PKIB: variants seen among roughly 807,000 people sequenced by gnomAD.
PKIB encodes cAMP-dependent protein kinase inhibitor beta.
In PKIB, 2 loss-of-function variants were observed where a neutral mutation model predicts 4.5. That is an observed-to-expected ratio of 0.44 (90% CI 0.18 to 1.39). The LOEUF (loss-of-function observed/expected upper bound fraction) is 1.39. Among genes scored for constraint, PKIB ranks in the 40% most tolerant of loss-of-function variants. The probability of loss-of-function intolerance (pLI) is 0.27; values close to 1 mark genes in which losing one functional copy is unlikely to be tolerated. For synonymous variants in PKIB, 38 were observed against 36.0 expected (o/e 1.06, Z -0.20); for missense variants, 94 against 92.6 (o/e 1.02, Z -0.06).
At chr6:122,519,070 C>A (rs532201660) in intron 2 of PKIB, among the ~76,000 whole-genome samples, 1 of 152,184 alleles carries the variant, frequency 6.6e-6, no homozygotes, top group African/African-American at 2.4e-5. Flanking sequence ...GCTAGGGGTA[C>A]CAGTCCGTGG....
chr6:122,535,397 A>G (rs1247584478), intron 2 of PKIB, among the ~76,000 whole-genome samples: 3 of 152,190 alleles, frequency 2.0e-5, no homozygotes, highest in Admixed American at 6.5e-5. Flanking sequence ...CATTCAAACA[A>G]TATTACAATA....
intron 2 of PKIB, among the ~76,000 whole-genome samples, chr6:122,640,721 T>C (rs1776089661): frequency 6.6e-6 from 1 of 152,160 alleles, no homozygotes; most frequent in African/African-American, 2.4e-5. Context: ...ATGAGACACA[T>C]AAAGCAATTA....
intron 2 of PKIB, among the ~76,000 whole-genome samples, chr6:122,532,367 T>G (rs1199587654): frequency 6.6e-6 from 1 of 152,224 alleles, no homozygotes; most frequent in African/African-American, 2.4e-5. Context: ...AACAACCTTT[T>G]TATTGTGGTA....
intron 2 of PKIB, among the ~76,000 whole-genome samples, chr6:122,634,882 C>T (rs1775853106): frequency 6.6e-6 from 1 of 150,888 alleles, no homozygotes; most frequent in South Asian, 2.1e-4. Flanking sequence ...GCGGAGCTTG[C>T]AGTGAGCCGA....
intron 2 of PKIB, among the ~76,000 whole-genome samples, chr6:122,543,433 G>A (rs1315273625): frequency 6.7e-6 from 1 of 149,684 alleles, no homozygotes; most frequent in Non-Finnish European, 1.5e-5. Flanking sequence ...AGACTGGAGT[G>A]CAATGGCATG....
At chr6:122,577,383 A>G (rs1012676148) in intron 2 of PKIB, among the ~76,000 whole-genome samples, 5 of 152,184 alleles carry the variant, frequency 3.3e-5, no homozygotes, top group Non-Finnish European at 5.9e-5. Flanking sequence ...TTTTGTTTGT[A>G]TATTTTTTCT....
At chr6:122,492,913 T>G (rs1398992591) in intron 2 of PKIB, among the ~76,000 whole-genome samples, 3 of 152,070 alleles carry the variant, frequency 2.0e-5, no homozygotes, top group Non-Finnish European at 1.5e-5. Flanking sequence ...TAAATTACAG[T>G]TTTATTACAT....
At chr6:122,708,359 G>A (rs1272538440) in intron 3 of PKIB, among the ~76,000 whole-genome samples, 1 of 151,910 alleles carries the variant, frequency 6.6e-6, no homozygotes, top group Admixed American at 6.6e-5. Context: ...TGCTTTTTTA[G>A]GCATCATGAA....
chr6:122,514,343 G>A (rs1776680582), intron 2 of PKIB, among the ~76,000 whole-genome samples: 1 of 152,180 alleles, frequency 6.6e-6, no homozygotes, highest in Non-Finnish European at 1.5e-5. Flanking sequence ...TGGGCTAGTA[G>A]TACACACAGG....
intron 2 of PKIB, among the ~76,000 whole-genome samples, chr6:122,484,417 C>T (rs552206438): frequency 4.7e-4 from 72 of 152,168 alleles, no homozygotes; most frequent in Non-Finnish European, 9.0e-4. Flanking sequence ...GAATCATTTT[C>T]GTCAACTCTT....
chr6:122,543,086 G>T (rs1196092717), intron 2 of PKIB, among the ~76,000 whole-genome samples: 1 of 152,070 alleles, frequency 6.6e-6, no homozygotes, highest in Non-Finnish European at 1.5e-5. Context: ...ATTAGGGTGG[G>T]AGTGACCTGA....
intron 2 of PKIB, among the ~76,000 whole-genome samples, chr6:122,649,149 C>T (rs1437624435): frequency 1.3e-5 from 2 of 152,142 alleles, no homozygotes; most frequent in African/African-American, 4.8e-5. Context: ...ATCTGCATAC[C>T]TCTTCTCAGC....
intron 2 of PKIB, among the ~76,000 whole-genome samples, chr6:122,585,723 T>C (rs1194097000): frequency 2.0e-5 from 3 of 152,144 alleles, no homozygotes; most frequent in African/African-American, 7.2e-5. Flanking sequence ...GGTCCAATGT[T>C]CTTTCCATGC....
intron 2 of PKIB, among the ~76,000 whole-genome samples, chr6:122,539,226 G>A (rs1308970496): frequency 2.0e-5 from 3 of 152,042 alleles, no homozygotes; most frequent in African/African-American, 4.8e-5. Flanking sequence ...ATGTTGAATA[G>A]GAGGGGTGAG....
At chr6:122,644,438 C>T (rs905556008) in intron 2 of PKIB, 6 of 152,106 alleles carry the variant, frequency 3.9e-5, no homozygotes, top group South Asian at 2.1e-4. Context: ...AACCATTGAT[C>T]GCTGAATTTG....
intron 3 of PKIB, among the ~76,000 whole-genome samples, chr6:122,680,343 C>T (rs892368016): frequency 4.6e-5 from 7 of 152,216 alleles, no homozygotes; most frequent in Admixed American, 2.0e-4. Context: ...CAAGGTCTGT[C>T]GGTCTAGATT....
At position 122,539,509 on chromosome 6, in the gene PKIB, G is replaced by C. The variant is rs1171856210; in HGVS notation, c.-247-46412G>C. On this transcript the variant is annotated intron_variant, in intron 2 of 6. Transcript: ENST00000392491. ...TTATTGATTTGCATATGTGGAACCA[G>C]CCTTGCATCCCAGGGATGAAGCCTA... is the stretch of plus-strand genomic sequence containing the variant. 1.3e-5 allele frequency among the ~76,000 whole-genome samples: 2 copies of C among 152,060 alleles called. 1 individual carries two copies. The highest frequency in any genetic ancestry group is 4.8e-5 in the African/African-American group (2 of 41,308).
chr6:122,506,946 C>A (rs1468254382), intron 2 of PKIB, among the ~76,000 whole-genome samples: 1 of 151,874 alleles, frequency 6.6e-6, no homozygotes, highest in Non-Finnish European at 1.5e-5. Flanking sequence ...CGTGATCCGC[C>A]CGCCTCGGCC....
At position 122,666,118 on chromosome 6, in the gene PKIB, A is replaced by C. The variant is rs117076802; in HGVS notation, c.-75-8960A>C. On this transcript the variant is annotated intron_variant, in intron 2 of 4. Transcript: ENST00000368452. ...CAGTCTGTCTCCAAAGCTCGTGTGC[A>C]TAGCATTATACTGTCTTTAATGTTA... Among the ~76,000 whole-genome samples, 186 of 152,342 alleles carry C rather than the reference A, an allele frequency of 1.2e-3. 3 individuals carry two copies. The East Asian group carries it at 0.02, about 17-fold the overall frequency.
Sources: allele counts gnomAD v4.1 joint callset (sites outside exome capture counted in the v4.1 genomes callset), GRCh38; gene constraint gnomAD v4.1.1; transcripts MANE v1.5; gene names NCBI Gene and HGNC (gene_info 2026-07-23, HGNC 2026-07-21).